The following ANTXR2 variants were observed in gnomAD, a reference collection of about 807,000 sequenced individuals.
ANTXR2 encodes ANTXR cell adhesion molecule 2.
A neutral mutation model predicts 73.7 loss-of-function variants in ANTXR2; 44 were observed. The observed-to-expected ratio is 0.60, with a 90% CI of 0.47 to 0.77. ANTXR2 has a LOEUF of 0.77. ANTXR2 is among the 30% of genes least tolerant of loss of function. The pLI is 0.00. For missense variants in ANTXR2, 604 were observed against 592.5 expected, an observed-to-expected ratio of 1.02 and a Z score of -0.20; for synonymous variants, 217 against 205.9, an observed-to-expected ratio of 1.05 and a Z score of -0.46.
At chr4:79,925,428 A>G (rs573446810) in intron 16 of ANTXR2, among the ~76,000 whole-genome samples, 6 of 152,042 alleles carry the variant, frequency 3.9e-5, no homozygotes, top group Admixed American at 3.9e-4. Flanking sequence ...GAAAAAGCAA[A>G]TTTGAATTCC....
At chr4:80,040,808 A>T (rs931400214) in intron 7 of ANTXR2, among the ~76,000 whole-genome samples, 1 of 151,910 alleles carries the variant, frequency 6.6e-6, no homozygotes, top group Non-Finnish European at 1.5e-5. Context: ...TGATATCACC[A>T]TGAAAAAGTA....
At chr4:79,933,605 G>A (rs1235718176) in intron 16 of ANTXR2, among the ~76,000 whole-genome samples, 1 of 151,810 alleles carries the variant, frequency 6.6e-6, no homozygotes, top group Non-Finnish European at 1.5e-5. Context: ...CAACGTGCAG[G>A]TTTGTTACAT....
chr4:80,037,878 A>G (rs1733053446), intron 7 of ANTXR2, among the ~76,000 whole-genome samples: 1 of 152,166 alleles, frequency 6.6e-6, no homozygotes. Flanking sequence ...ACAGTGAACC[A>G]TCAAAATGGA....
chr4:80,020,431 T>C (rs1444267737), intron 10 of ANTXR2, among the ~76,000 whole-genome samples: 3 of 151,820 alleles, frequency 2.0e-5, no homozygotes, highest in South Asian at 2.1e-4. Flanking sequence ...CCAGAAACAA[T>C]CTCAAGCTGT....
At chr4:80,019,435 CTA>C (rs1289483142) in intron 10 of ANTXR2, among the ~76,000 whole-genome samples, 3 of 152,156 alleles carry the variant, frequency 2.0e-5, no homozygotes, top group African/African-American at 4.8e-5. Context: ...TTCCTTAGTT[CTA>C]GTCTTTACTT....
chr4:79,966,981 T>G (rs1439587518), intron 16 of ANTXR2, among the ~76,000 whole-genome samples: 3 of 27,406 alleles, frequency 1.1e-4, no homozygotes, highest in African/African-American at 1.7e-4. Context: ...CAGAAGACGG[T>G]GATTTCTGCA....
intron 16 of ANTXR2, among the ~76,000 whole-genome samples, chr4:79,974,445 TG>T (rs768399812): frequency 1.3e-5 from 2 of 152,074 alleles, no homozygotes; most frequent in African/African-American, 4.8e-5. Context: ...GTGGAAAAAG[TG>T]GGGTTTTAGT....
intron 16 of ANTXR2, among the ~76,000 whole-genome samples, chr4:79,958,273 A>G (rs1267738660): frequency 6.6e-6 from 1 of 152,120 alleles, no homozygotes; most frequent in Non-Finnish European, 1.5e-5. Context: ...CCCTACAGTA[A>G]CTGTCAAAAG....
intron 16 of ANTXR2, among the ~76,000 whole-genome samples, chr4:79,926,227 GTA>G (rs775611425): frequency 2.6e-5 from 4 of 152,090 alleles, no homozygotes; most frequent in Non-Finnish European, 5.9e-5. Context: ...ATGTTCTTGT[GTA>G]TGTTTCTGAA....
rs570970070 is a variant in ANTXR2 at position 79,914,566 on chromosome 4, T to C, written c.1429-7099A>G. 9.8e-5 allele frequency among the ~76,000 whole-genome samples: 15 copies of C among 152,298 alleles called. 2 individuals are homozygous for C. Among genetic ancestry groups the C allele is most frequent in the African/African-American group, 2.9e-4 (12 of 41,592 alleles). On this transcript the variant is annotated intron_variant, in intron 16 of 16. Coordinates refer to ENST00000403729, the MANE Select transcript of ANTXR2 (RefSeq NM_058172.6). ...AAGAATTGCCTAAACCTGTACCTTA[T>C]GCAAAAAGACCATATGCTTTCTGTG...
At chr4:80,048,022 T>C (rs1379731426) in intron 7 of ANTXR2, among the ~76,000 whole-genome samples, 1 of 151,708 alleles carries the variant, frequency 6.6e-6, no homozygotes, top group Non-Finnish European at 1.5e-5. Context: ...AATGTTCAAA[T>C]ATACCATAAC....
intron 3 of ANTXR2, among the ~76,000 whole-genome samples, chr4:80,066,190 T>G (rs1734487448): frequency 6.6e-6 from 1 of 152,216 alleles, no homozygotes; most frequent in Non-Finnish European, 1.5e-5. Flanking sequence ...TTGGAGGTTG[T>G]CCTATGCTAT....
intron 16 of ANTXR2, among the ~76,000 whole-genome samples, chr4:79,924,034 C>T (rs1287915731): frequency 1.3e-5 from 2 of 152,068 alleles, no homozygotes; most frequent in African/African-American, 4.8e-5. Flanking sequence ...TGTGCAGGTT[C>T]GTTATATGGG....
chr4:80,025,937 T>A (rs1296071773), intron 10 of ANTXR2, among the ~76,000 whole-genome samples: 3 of 152,216 alleles, frequency 2.0e-5, no homozygotes, highest in Non-Finnish European at 4.4e-5. Flanking sequence ...TGTATTATAA[T>A]TGTTCTGAGT....
chr4:79,966,537 ATTATT>A (rs1729373045), intron 16 of ANTXR2, among the ~76,000 whole-genome samples: 1 of 152,120 alleles, frequency 6.6e-6, no homozygotes, highest in Non-Finnish European at 1.5e-5. Flanking sequence ...CCTCTGCGTC[ATTATT>A]TTCTGAATAG....
At chr4:80,041,753 A>G (rs1014772829) in intron 7 of ANTXR2, among the ~76,000 whole-genome samples, 2 of 152,082 alleles carry the variant, frequency 1.3e-5, no homozygotes, top group African/African-American at 4.8e-5. Context: ...TTCGCTGAGG[A>G]TAATGGCTTC....
rs191192579 is a variant in ANTXR2 at position 80,026,171 on chromosome 4, A to G, written c.866+5452T>C. Among the ~76,000 whole-genome samples the G allele has an allele frequency of 3.9e-4, 59 of 152,186 alleles. No individual in the cohort carries two copies. The East Asian group carries it at 0.011, about 28-fold the overall frequency. On this transcript the variant is annotated intron_variant, in intron 10 of 16. Coordinates refer to ENST00000403729, the MANE Select transcript of ANTXR2 (RefSeq NM_058172.6). ...CCCCCCGTGTAAAGGGAGGATCCTG[A>G]TAAGAGGTGAATGGGTTATGGGGAT...
chr4:80,015,902 AAAGGAAAGGAAAGGAAAGG>A (rs1384001201), intron 11 of ANTXR2, among the ~76,000 whole-genome samples: 11 of 83,720 alleles, frequency 1.3e-4, no homozygotes, highest in African/African-American at 5.5e-4. Context: ...AAAGGAAAGG[AAAGGAAAGGAAAGGAAAGG>A]AAAAAGGAAA....
chr4:79,915,864 A>ATATG (rs1316483104), intron 16 of ANTXR2, among the ~76,000 whole-genome samples: 2 of 132,992 alleles, frequency 1.5e-5, no homozygotes, highest in African/African-American at 6.0e-5. Context: ...CTCTCTCTCT[A>ATATG]TATATATATA....
Sources: allele counts gnomAD v4.1 joint callset (sites outside exome capture counted in the v4.1 genomes callset), GRCh38; gene constraint gnomAD v4.1.1; transcripts MANE v1.5; gene names NCBI Gene and HGNC (gene_info 2026-07-23, HGNC 2026-07-21).